DLGAP2: variants seen among roughly 807,000 people sequenced by gnomAD.
DLGAP2 encodes the protein DLG associated protein 2.
In DLGAP2, 26 loss-of-function variants were observed where a neutral mutation model predicts 100.3. The ratio of observed to expected loss-of-function variants is 0.26; its 90% CI spans 0.19 to 0.36. DLGAP2 has a LOEUF of 0.36. Ranked by LOEUF, DLGAP2 falls within the 10% of genes least tolerant of loss-of-function variation. The pLI is 1.00. For missense variants in DLGAP2, 1,858 were observed against 1,453.2 expected (o/e 1.28, Z -4.53); for synonymous variants, 886 against 630.1 (o/e 1.41, Z -6.08).
At chr8:1,621,699 C>G (rs1367254184) in intron 6 of DLGAP2, 2 of 152,382 alleles carry the variant, frequency 1.3e-5, no homozygotes, top group African/African-American at 4.8e-5. Context: ...GGCAGCCAAG[C>G]AAGGGTATGG....
intron 1 of DLGAP2, among the ~76,000 whole-genome samples, chr8:869,260 G>A (rs1194916042): frequency 6.6e-6 from 1 of 151,836 alleles, no homozygotes; most frequent in Non-Finnish European, 1.5e-5. Context: ...TGGATCTTCT[G>A]TTACTGTTAA....
At chr8:1,531,408 C>A (rs374769504) in intron 4 of DLGAP2, among the ~76,000 whole-genome samples, 1 of 151,994 alleles carries the variant, frequency 6.6e-6, no homozygotes, top group Non-Finnish European at 1.5e-5. Flanking sequence ...AAGCTGTTTT[C>A]TTCATTTAGT....
At chr8:826,736 C>T (rs184365279) in intron 1 of DLGAP2, among the ~76,000 whole-genome samples, 4 of 152,200 alleles carry the variant, frequency 2.6e-5, no homozygotes, top group African/African-American at 4.8e-5. Flanking sequence ...TTCTGCTGCT[C>T]GAGGGACCTC....
At chr8:1,104,052 C>A (rs113944383) in intron 2 of DLGAP2, among the ~76,000 whole-genome samples, 1 of 152,154 alleles carries the variant, frequency 6.6e-6, no homozygotes. Context: ...ATTGCTCGGC[C>A]GGCTCGTCTT....
chr8:789,508 C>T (rs1217071588), intron 1 of DLGAP2, among the ~76,000 whole-genome samples: 14 of 152,202 alleles, frequency 9.2e-5, no homozygotes, highest in African/African-American at 1.4e-4. Context: ...CACAATTTGA[C>T]GTGAGATTTG....
chr8:1,300,223 T>A (rs896549816), intron 3 of DLGAP2: 1 of 152,136 alleles, frequency 6.6e-6, no homozygotes, highest in African/African-American at 2.4e-5. Context: ...GTGTGCAAAG[T>A]GTGCATATGT....
At chr8:1,194,102 T>G (rs1797699534) in intron 2 of DLGAP2, among the ~76,000 whole-genome samples, 2 of 151,958 alleles carry the variant, frequency 1.3e-5, no homozygotes, top group South Asian at 4.2e-4. Flanking sequence ...CAAGTCCAGT[T>G]TTGACGCTGT....
chr8:1,518,155 T>G (rs180730034), intron 4 of DLGAP2, among the ~76,000 whole-genome samples: 22 of 152,336 alleles, frequency 1.4e-4, no homozygotes, highest in African/African-American at 4.6e-4. Flanking sequence ...TACGCTTCTG[T>G]GTTATGTGAC....
chr8:999,851 A>G (rs1800893476), intron 2 of DLGAP2, among the ~76,000 whole-genome samples: 1 of 151,794 alleles, frequency 6.6e-6, no homozygotes, highest in Admixed American at 6.6e-5. Flanking sequence ...TTATTATCTC[A>G]TTTTCAAGTT....
chr8:1,281,692 C>T (rs1205728598), intron 3 of DLGAP2, among the ~76,000 whole-genome samples: 1 of 152,198 alleles, frequency 6.6e-6, no homozygotes, highest in Non-Finnish European at 1.5e-5. Context: ...TCCCCACACT[C>T]CCTAAGGAGG....
intron 3 of DLGAP2, among the ~76,000 whole-genome samples, chr8:1,316,661 G>C (rs1309510740): frequency 2.1e-5 from 3 of 143,824 alleles, no homozygotes; most frequent in Non-Finnish European, 4.5e-5. Flanking sequence ...CTACACTCGA[G>C]ACACTTGGCA....
Position 1,549,256 on chromosome 8 carries a change from A to C in DLGAP2, c.803A>C (p.His268Pro), listed in dbSNP as rs1801671411. ...GACGGCCGGGCGGACGACCACCACC[A>C]CGCCCACCACGCCAAGCACAGCAAG... The part of the protein sequence containing the change: ...KADGRADDHH[H>P]AHHAKHSKRS... Residue 268 changes from histidine (H) to proline (P), a missense_variant, in exon 5 of 15, where the codon CAC becomes CCC. By Grantham distance (77) the His-to-Pro change is moderately conservative. Coordinates refer to ENST00000637795, the MANE Select transcript of DLGAP2 (RefSeq NM_001346810.2). 4 of 1,610,076 alleles carry C rather than the reference A, an allele frequency of 2.5e-6. No homozygotes were observed. Among genetic ancestry groups the C allele is most frequent in the African/African-American group, 2.7e-5 (2 of 74,996 alleles).
intron 1 of DLGAP2, among the ~76,000 whole-genome samples, chr8:746,630 G>T (rs955644701): frequency 1.3e-5 from 2 of 152,278 alleles, no homozygotes; most frequent in Non-Finnish European, 1.5e-5. Context: ...CAGAATGCCA[G>T]CTGCACACTG....
At position 1,424,802 on chromosome 8, in the gene DLGAP2, G is replaced by A. The variant is rs1250872203; in HGVS notation, c.107-76564G>A. Among the ~76,000 whole-genome samples the A allele has an allele frequency of 2.0e-5, 3 of 152,354 alleles. No homozygotes were observed. The East Asian group carries it at 5.8e-4, about 29-fold the overall frequency. On this transcript the variant is annotated intron_variant, in intron 3 of 14. Transcript: ENST00000637795. Reference sequence around the variant, plus strand: ...AGGCCGAATAGGACAAGGACAGTATGATCCCCTTATACGCAGCACCTGGAG... The same window carrying A: ...AGGCCGAATAGGACAAGGACAGTATAATCCCCTTATACGCAGCACCTGGAG...
intron 4 of DLGAP2, among the ~76,000 whole-genome samples, chr8:1,515,153 G>A (rs1248529724): frequency 6.6e-6 from 1 of 152,270 alleles, no homozygotes; most frequent in African/African-American, 2.4e-5. Flanking sequence ...GAGGAGACAT[G>A]GAAGGCAGCC....
intron 12 of DLGAP2, among the ~76,000 whole-genome samples, chr8:1,684,405 C>A (rs575696382): frequency 2.0e-5 from 3 of 152,052 alleles, no homozygotes; most frequent in South Asian, 4.2e-4. Flanking sequence ...AATTTCCAGT[C>A]CTAATTTTAG....
At chr8:1,599,161 A>T (rs1341424992) in intron 6 of DLGAP2, among the ~76,000 whole-genome samples, 2 of 152,110 alleles carry the variant, frequency 1.3e-5, no homozygotes, top group Non-Finnish European at 2.9e-5. Context: ...TTCAGTTTCC[A>T]TGTAGTTGTG....
chr8:919,751 C>T (rs1055302511), intron 2 of DLGAP2, among the ~76,000 whole-genome samples: 2 of 152,160 alleles, frequency 1.3e-5, no homozygotes, highest in African/African-American at 2.4e-5. Flanking sequence ...CTCGCCACCA[C>T]CCGCCTCTCT....
At chr8:969,429 G>T (rs1040244573) in intron 2 of DLGAP2, among the ~76,000 whole-genome samples, 1 of 151,770 alleles carries the variant, frequency 6.6e-6, no homozygotes, top group Non-Finnish European at 1.5e-5. Context: ...GACTCCTGAC[G>T]AATACACAAA....
Sources: gnomAD v4.1 joint callset for allele counts (sites outside exome capture counted in the v4.1 genomes callset) on GRCh38, gnomAD v4.1.1 for gene constraint, MANE v1.5 for transcripts, NCBI Gene and HGNC (gene_info 2026-07-23, HGNC 2026-07-21) for gene names.